The following LDB2 variants were observed in gnomAD, a reference collection of about 807,000 sequenced individuals.
LDB2 encodes the protein LIM domain binding 2, also known as LIM domain-binding protein 2.
In LDB2, 12 loss-of-function variants were observed where a neutral mutation model predicts 44.3. That is an observed-to-expected ratio of 0.27 (90% CI 0.17 to 0.44). The LOEUF is 0.44. LDB2 is among the 20% of genes least tolerant of loss of function. The probability of loss-of-function intolerance (pLI) is 1.00; values close to 1 mark genes in which losing one functional copy is unlikely to be tolerated. For synonymous variants in LDB2, 164 were observed against 174.8 expected, an observed-to-expected ratio of 0.94 and a Z score of 0.49; for missense variants, 344 against 473.5, an observed-to-expected ratio of 0.73 and a Z score of 2.54.
chr4:16,603,256 T>G (rs13152442), intron 2 of LDB2, among the ~76,000 whole-genome samples: 58,572 of 152,056 alleles, frequency 0.39, 11,789 homozygotes, highest in East Asian at 0.64. Context: ...AATCCTTTAA[T>G]GACTTCCATA....
In LDB2 at chr4:16,581,372, A is replaced by G. The variant is rs986484697; in HGVS notation, c.615+4550T>C. On this transcript the variant is annotated intron_variant, in intron 5 of 7. Coordinates refer to ENST00000304523, the MANE Select transcript of LDB2 (RefSeq NM_001290.5). ...TTCTCAGATACATACTGTTTAACTT[A>G]CTCCCAAGCCCATGTCACAGTGAGA... 7 of 976,024 alleles carry G rather than the reference A, an allele frequency of 7.2e-6. No homozygotes were observed. The African/African-American group carries it at 1.2e-4, about 17-fold the overall frequency. The allele number at this position is 976,024 out of a possible 1,614,324, so 60.5% of individuals were successfully genotyped here.
intron 1 of LDB2, among the ~76,000 whole-genome samples, chr4:16,843,681 G>A (rs1242746338): frequency 1.3e-5 from 2 of 152,120 alleles, no homozygotes; most frequent in East Asian, 1.9e-4. Flanking sequence ...GGGTGCAATG[G>A]CACGACCTTG....
chr4:16,867,299 T>TAATAC (rs1715040736), intron 1 of LDB2, among the ~76,000 whole-genome samples: 5 of 152,186 alleles, frequency 3.3e-5, no homozygotes, highest in Admixed American at 3.3e-4. Flanking sequence ...ATACACAATC[T>TAATAC]AATACAATAC....
chr4:16,856,273 G>C (rs1789332758), intron 1 of LDB2, among the ~76,000 whole-genome samples: 1 of 152,024 alleles, frequency 6.6e-6, no homozygotes, highest in Non-Finnish European at 1.5e-5. Flanking sequence ...TGATATTCCT[G>C]GTCAGGGAAA....
intron 1 of LDB2, among the ~76,000 whole-genome samples, chr4:16,895,544 T>C (rs4698163): frequency 6.7e-4 from 101 of 150,744 alleles, no homozygotes; most frequent in African/African-American, 2.4e-3. Flanking sequence ...TGGGGTGTGT[T>C]TGTGTGTGTG....
chr4:16,595,405 A>G (rs1191772235), intron 3 of LDB2, among the ~76,000 whole-genome samples: 1 of 152,160 alleles, frequency 6.6e-6, no homozygotes, highest in Non-Finnish European at 1.5e-5. Flanking sequence ...TCTTTTGTAT[A>G]AAACAACAAT....
intron 7 of LDB2, chr4:16,507,051 TA>T (rs1719748442): frequency 6.6e-6 from 1 of 152,198 alleles, no homozygotes; most frequent in South Asian, 2.1e-4. Flanking sequence ...GAAGTGGGCA[TA>T]ACTTGATACT....
In LDB2 at chr4:16,634,869, T is replaced by C. The variant is rs530752575; in HGVS notation, c.236-38994A>G. On this transcript the variant is annotated intron_variant, in intron 2 of 7. Transcript: ENST00000304523. ...ATGTTTATTGCAGCATTATTCACAA[T>C]AGCAAAGACTTGGAACTAACCCAGA... Among the ~76,000 whole-genome samples, 4 of 152,270 alleles carry C rather than the reference T, an allele frequency of 2.6e-5. No individual in the cohort carries two copies. In the East Asian group the frequency reaches 5.8e-4, roughly 22 times the overall value.
intron 5 of LDB2, among the ~76,000 whole-genome samples, chr4:16,573,859 G>A (rs1157375003): frequency 3.3e-5 from 5 of 152,118 alleles, no homozygotes; most frequent in East Asian, 1.9e-4. Flanking sequence ...TTGCCATTTA[G>A]GTGGAAAAGG....
At chr4:16,521,581 T>C (rs1377696408) in intron 5 of LDB2, among the ~76,000 whole-genome samples, 1 of 152,132 alleles carries the variant, frequency 6.6e-6, no homozygotes, top group Non-Finnish European at 1.5e-5. Context: ...CTACTCTATG[T>C]TTAAGGAAAT....
intron 2 of LDB2, among the ~76,000 whole-genome samples, chr4:16,633,583 C>T (rs1033981621): frequency 1.3e-5 from 2 of 152,060 alleles, no homozygotes; most frequent in Non-Finnish European, 2.9e-5. Flanking sequence ...TCAAGGAGAA[C>T]TACAAACCAC....
intron 1 of LDB2, among the ~76,000 whole-genome samples, chr4:16,834,010 C>T (rs1195598022): frequency 6.6e-6 from 1 of 152,208 alleles, no homozygotes; most frequent in Non-Finnish European, 1.5e-5. Context: ...GCTCAAATGC[C>T]ATCTTTCCAG....
At chr4:16,677,172 T>A (rs1746561708) in intron 2 of LDB2, among the ~76,000 whole-genome samples, 1 of 152,166 alleles carries the variant, frequency 6.6e-6, no homozygotes, top group African/African-American at 2.4e-5. Flanking sequence ...AGGAAAATAG[T>A]CATGGGGCAC....
At chr4:16,838,115 T>G (rs1410610415) in intron 1 of LDB2, among the ~76,000 whole-genome samples, 1 of 152,230 alleles carries the variant, frequency 6.6e-6, no homozygotes, top group Non-Finnish European at 1.5e-5. Flanking sequence ...CCTGTTTGTA[T>G]GAACAGCAAA....
rs74965032 is a variant in LDB2, at chr4:16,597,520, G to A, written c.236-1645C>T. On this transcript the variant is annotated intron_variant, in intron 2 of 7. Transcript: ENST00000304523. ...AATCCATATTGTACTTCACTAAACA[G>A]ATAAAATTAATTGAATGCATTTCAA... is the stretch of plus-strand genomic sequence containing the variant. 1.2e-3 allele frequency among the ~76,000 whole-genome samples: 187 copies of A among 152,270 alleles called. 1 individual carries two copies. Among genetic ancestry groups the A allele is most frequent in the Non-Finnish European group, 1.9e-3 (127 of 68,014 alleles).
At chr4:16,784,354 T>A (rs1773930908) in intron 1 of LDB2, among the ~76,000 whole-genome samples, 1 of 152,202 alleles carries the variant, frequency 6.6e-6, no homozygotes. Flanking sequence ...TTTCCTCATC[T>A]GTAGACTGGG....
intron 1 of LDB2, among the ~76,000 whole-genome samples, chr4:16,781,717 A>G (rs1240171100): frequency 1.3e-5 from 2 of 152,274 alleles, no homozygotes; most frequent in Non-Finnish European, 2.9e-5. Context: ...CCCCTCCCCT[A>G]TAATTCATGT....
chr4:16,719,199 A>G (rs531481803), intron 2 of LDB2, among the ~76,000 whole-genome samples: 1 of 152,114 alleles, frequency 6.6e-6, no homozygotes, highest in African/African-American at 2.4e-5. Flanking sequence ...AAGTGTTTGA[A>G]TCAACTCTTA....
rs1455568314 is a variant in LDB2 at position 16,534,625 on chromosome 4, T to A, written c.616-22521A>T. The stretch of plus-strand genomic sequence containing the variant: ...CTTTACAAACACTATGTATTATCAT[T>A]TAAAAAAATAGCTTTGCCCATGTGG... On this transcript the variant is annotated intron_variant, in intron 5 of 7. Transcript: ENST00000304523. Among the ~76,000 whole-genome samples the A allele has an allele frequency of 5.3e-5, 8 of 152,326 alleles. No homozygotes were observed. The East Asian group carries it at 1.5e-3, about 29-fold the overall frequency.
Sources: gnomAD v4.1 joint callset for allele counts (sites outside exome capture counted in the v4.1 genomes callset) on GRCh38, gnomAD v4.1.1 for gene constraint, MANE v1.5 for transcripts, NCBI Gene and HGNC (gene_info 2026-07-23, HGNC 2026-07-21) for gene names.